The following UGGT1 variants were observed in gnomAD, a reference collection of about 807,000 sequenced individuals.
UGGT1 encodes the protein UDP-glucose:glycoprotein glucosyltransferase 1.
A neutral mutation model predicts 203.9 loss-of-function variants in UGGT1; 107 were observed. The observed-to-expected ratio is 0.52, with a 90% CI of 0.45 to 0.62. The LOEUF (loss-of-function observed/expected upper bound fraction) is 0.62, where lower values mean the gene tolerates loss of function less well. UGGT1 is among the 20% of genes least tolerant of loss of function. UGGT1 has a pLI of 0.00. For missense variants in UGGT1, 1,673 were observed against 1,867.2 expected, an observed-to-expected ratio of 0.90 and a Z score of 1.92; for synonymous variants, 628 against 653.5, an observed-to-expected ratio of 0.96 and a Z score of 0.59.
At chr2:128,124,065 C>A (rs1191052460) in intron 11 of UGGT1, among the ~76,000 whole-genome samples, 1 of 152,182 alleles carries the variant, frequency 6.6e-6, no homozygotes, top group Admixed American at 6.5e-5. Context: ...TCTTCCTCAG[C>A]CTCCCAAGTA....
intron 17 of UGGT1, among the ~76,000 whole-genome samples, chr2:128,144,849 C>G (rs550297604): frequency 3.9e-5 from 6 of 152,252 alleles, no homozygotes; most frequent in African/African-American, 1.4e-4. Flanking sequence ...TAATTAAATT[C>G]TGCTATTTTC....
At chr2:128,106,472 C>T (rs142778249) in intron 3 of UGGT1, among the ~76,000 whole-genome samples, 3 of 152,224 alleles carry the variant, frequency 2.0e-5, no homozygotes, top group African/African-American at 7.2e-5. Flanking sequence ...TCTAGTTTTA[C>T]GTAGAGGATG....
chr2:128,135,573 C>G (rs1689095288), intron 15 of UGGT1, among the ~76,000 whole-genome samples: 1 of 152,010 alleles, frequency 6.6e-6, no homozygotes, highest in African/African-American at 2.4e-5. Context: ...GAAAATAACT[C>G]TTTATTCAAT....
At position 128,193,442 on chromosome 2, in the gene UGGT1, G is replaced by A. The variant is rs1692373005; in HGVS notation, c.*3700G>A. 1.3e-5 allele frequency: 2 copies of A among 152,090 alleles called. No individual in the cohort carries two copies. Among genetic ancestry groups the A allele is most frequent in the African/African-American group, 2.4e-5 (1 of 41,534 alleles). The allele number at this position is 152,090 out of a possible 1,614,324, so 9.4% of individuals were successfully genotyped here. On this transcript the variant is annotated 3_prime_UTR_variant, in exon 41 of 41. Coordinates refer to ENST00000259253, the MANE Select transcript of UGGT1 (RefSeq NM_020120.4). ...AATTTTTGTATTTTTAGTAGAGATGGGGTTTTACCATGTTGGTTGGCCAGG... is the reference window on the plus strand; with the variant it reads ...AATTTTTGTATTTTTAGTAGAGATGAGGTTTTACCATGTTGGTTGGCCAGG...
intron 16 of UGGT1, among the ~76,000 whole-genome samples, chr2:128,141,996 C>T (rs1689453131): frequency 6.6e-6 from 1 of 151,852 alleles, no homozygotes; most frequent in Non-Finnish European, 1.5e-5. Flanking sequence ...AGCTAGAGTG[C>T]AGTTGTGTGA....
At chr2:128,183,612 T>G in intron 37 of UGGT1, 63 bp from the exon 38 acceptor site, 3 of 1,240,580 alleles carry the variant, frequency 2.4e-6, no homozygotes, top group East Asian at 2.4e-5. Context: ...CCATTATTCA[T>G]TGGGTTTAGT....
intron 14 of UGGT1, among the ~76,000 whole-genome samples, chr2:128,133,621 A>G (rs1688987583): frequency 1.3e-5 from 2 of 151,954 alleles, no homozygotes; most frequent in South Asian, 2.1e-4. Context: ...TTTCCTTTTC[A>G]TACTCTTCAC....
rs185299871 is a variant in UGGT1 at position 128,173,738 on chromosome 2, G to A, written c.3295-43G>A. ...CATAATGCATTTCAGATTTATTCATGTTGTCTCTGAGTGCATTCAAGTGAT... is the reference window on the plus strand; with the variant it reads ...CATAATGCATTTCAGATTTATTCATATTGTCTCTGAGTGCATTCAAGTGAT... On this transcript the variant is annotated intron_variant, in intron 29 of 40. Coordinates refer to ENST00000259253, the MANE Select transcript of UGGT1 (RefSeq NM_020120.4). 6.1e-5 allele frequency: 98 copies of A among 1,597,934 alleles called. No homozygotes were observed. The East Asian group carries it at 1.7e-3, about 28-fold the overall frequency.
At position 128,128,998 on chromosome 2, in the gene UGGT1, A is replaced by T. The variant is rs548505198; in HGVS notation, c.1227-31A>T. 1.2e-5 allele frequency: 18 copies of T among 1,491,998 alleles called. No homozygotes were observed. In the South Asian group the frequency reaches 2.3e-4, roughly 19 times the overall value. The allele number at this position is 1,491,998 out of a possible 1,614,324, so 92.4% of individuals were successfully genotyped here. A position where few individuals can be genotyped will look rare whatever the true frequency, so the allele number is the denominator to read the frequency against. ...ATTTTTTTTAAAAGCTTTTTTTCCTAGTAAATATCTCTTTTTGTTTTTCCC... is the reference window on the plus strand; with the variant it reads ...ATTTTTTTTAAAAGCTTTTTTTCCTTGTAAATATCTCTTTTTGTTTTTCCC... On this transcript the variant is annotated intron_variant, in intron 12 of 40. Transcript: ENST00000259253.
intron 18 of UGGT1, among the ~76,000 whole-genome samples, chr2:128,146,757 TG>T (rs1165895013): frequency 2.0e-5 from 3 of 152,200 alleles, no homozygotes; most frequent in African/African-American, 7.2e-5. Context: ...TTGCCCATTT[TG>T]TCCTACTCCC....
chr2:128,133,084 C>T (rs1335434640), intron 13 of UGGT1, 57 bp from the exon 14 acceptor site: 3 of 1,583,166 alleles, frequency 1.9e-6, no homozygotes, highest in African/African-American at 2.7e-5. Flanking sequence ...GATATTATTG[C>T]AGGTTTTACT....
intron 31 of UGGT1, 61 bp downstream of exon 31, chr2:128,174,919 A>G (rs892944448): frequency 7.1e-7 from 1 of 1,408,610 alleles, no homozygotes; most frequent in Admixed American, 1.9e-5. Context: ...ATTAGCTCTA[A>G]TTGAATACTA....
At chr2:128,128,637 C>G (rs905530650) in intron 12 of UGGT1, among the ~76,000 whole-genome samples, 1 of 152,184 alleles carries the variant, frequency 6.6e-6, no homozygotes, top group African/African-American at 2.4e-5. Flanking sequence ...TTCTGTCTCT[C>G]CCAGCAAACC....
At chr2:128,120,723 A>G (rs1162250798) in intron 9 of UGGT1, among the ~76,000 whole-genome samples, 4 of 152,244 alleles carry the variant, frequency 2.6e-5, no homozygotes. Context: ...GAAGCAGGTC[A>G]TAGTCCTAAG....
chr2:128,154,060 T>TATATACAC (rs147214333), intron 19 of UGGT1, among the ~76,000 whole-genome samples: 32 of 149,696 alleles, frequency 2.1e-4, no homozygotes, highest in Non-Finnish European at 3.1e-4. Context: ...CATGTATATA[T>TATATACAC]ACACACACAC....
chr2:128,158,253 C>T (rs1293987807), intron 22 of UGGT1, among the ~76,000 whole-genome samples: 28 of 152,124 alleles, frequency 1.8e-4, no homozygotes, highest in Admixed American at 1.8e-3. Context: ...TGTAGGTTCA[C>T]AAGAAGTGCT....
rs1328810757 is a variant in UGGT1, at chr2:128,115,364, T to C, written c.793+144T>C. The C allele has an allele frequency of 4.8e-6, 3 of 630,742 alleles. No homozygotes were observed. In the African/African-American group the frequency reaches 5.5e-5, roughly 12 times the overall value. The allele number at this position is 630,742 out of a possible 1,614,324, so 39.1% of individuals were successfully genotyped here. ...TCTGTTACACCTGAGTGGGTGACCC[T>C]TAAGCAGATTCTCTAGATCCCAGTT... is the stretch of plus-strand genomic sequence containing the variant. On this transcript the variant is annotated intron_variant, in intron 7 of 40. Transcript: ENST00000259253.
At chr2:128,137,474 T>C (rs1325856333) in intron 15 of UGGT1, among the ~76,000 whole-genome samples, 2 of 152,214 alleles carry the variant, frequency 1.3e-5, no homozygotes, top group African/African-American at 4.8e-5. Flanking sequence ...ATGGTTGTTT[T>C]GCAAAGATTT....
chr2:128,117,049 A>G (rs1025063563), intron 8 of UGGT1, among the ~76,000 whole-genome samples: 2 of 152,184 alleles, frequency 1.3e-5, no homozygotes, highest in Non-Finnish European at 2.9e-5. Flanking sequence ...TAAATTTTAT[A>G]CATGCTCAAT....
Sources: gnomAD v4.1 joint callset for allele counts (sites outside exome capture counted in the v4.1 genomes callset) on GRCh38, gnomAD v4.1.1 for gene constraint, MANE v1.5 for transcripts, NCBI Gene and HGNC (gene_info 2026-07-23, HGNC 2026-07-21) for gene names.